C1orf116: variants seen among roughly 807,000 people sequenced by gnomAD.
C1orf116 encodes the protein specifically androgen-regulated gene protein.
A neutral mutation model predicts 14.1 loss-of-function variants in C1orf116; 12 were observed. The ratio of observed to expected loss-of-function variants is 0.85; its 90% confidence interval spans 0.54 to 1.38. The LOEUF (loss-of-function observed/expected upper bound fraction) is 1.38, where lower values mean the gene tolerates loss of function less well. C1orf116 is among the 40% of genes most tolerant of loss of function. C1orf116 has a pLI of 0.00. For synonymous variants in C1orf116, 296 were observed against 299.0 expected (o/e 0.99, Z 0.10); for missense variants, 797 against 747.0 (o/e 1.07, Z -0.78).
At position 207,022,254 on chromosome 1, in the gene C1orf116, T is replaced by G. The variant is rs903660398; in HGVS notation, c.1510A>C (p.Lys504Gln). The G allele has an allele frequency of 9.3e-6, 15 of 1,613,726 alleles. No individual in the cohort carries two copies. Among genetic ancestry groups the G allele is most frequent in the Non-Finnish European group, 2.5e-6 (3 of 1,179,906 alleles). The change falls in exon 4 of 4, where the codon AAA (lysine) becomes CAA (glutamine). Residue 504 changes from lysine to glutamine, a missense_variant. Transcript: ENST00000359470. ...YLSTEKDASP[K>Q]TSTSLGKGSF... ...CCCTTTCCCAGAGAAGTGCTGGTTT[T>G]GGGGCTGGCATCTTTCTCAGTTGAA... is the stretch of plus-strand genomic sequence containing the variant.
chr1:207,024,820 G>T (rs998791940), intron 3 of C1orf116, 67 bp downstream of exon 3: 14 of 1,561,780 alleles, frequency 9.0e-6, no homozygotes, highest in African/African-American at 2.7e-5. Context: ...GAGGTAGAAA[G>T]TGGCCGGAGG....
rs1355942855 is a variant in C1orf116 at position 207,031,254 on chromosome 1, T to G, written c.-82+1325A>C. Among the ~76,000 whole-genome samples the G allele has an allele frequency of 2.0e-5, 3 of 152,220 alleles. No homozygotes were observed. In the East Asian group the frequency reaches 5.8e-4, roughly 29 times the overall value. ...TGTCTCCATGAACACATGGGCAAGT[T>G]TCTGTGTGTGTTTAGGCAACATTAT... On this transcript the variant is annotated intron_variant, in intron 1 of 3. Coordinates refer to ENST00000359470, the MANE Select transcript of C1orf116 (RefSeq NM_023938.6).
In C1orf116 at chr1:207,020,209, GC is replaced by G. The variant is rs1158496559; in HGVS notation, c.*1748del. On this transcript the variant is annotated 3_prime_UTR_variant, in exon 4 of 4. Transcript: ENST00000359470. ...ACCCATGGCCAGGAATGAGGCACAG[GC>G]TTTTGGATGTGCGTGTATGAGCAAA... 1 of 152,156 alleles carries G rather than the reference GC, an allele frequency of 6.6e-6. No homozygotes were observed. 9.4% of individuals were successfully genotyped at this position (152,156 alleles called of 1,614,324 possible). A position where few individuals can be genotyped will look rare whatever the true frequency, so the allele number is the denominator to read the frequency against.
chr1:207,022,013 A>C lies in C1orf116; in HGVS notation c.1751T>G (p.Val584Gly). The C allele has an allele frequency of 6.4e-7, 1 of 1,563,450 alleles. No individual in the cohort carries two copies. Among genetic ancestry groups the C allele is most frequent in the Non-Finnish European group, 8.6e-7 (1 of 1,158,576 alleles). ...GGCCTCCCTTCTGTGTTCATTGGGG[A>C]CACCCTTTGGGGAGATCTTGACACT... is the stretch of plus-strand genomic sequence containing the variant. ...CVSVKISPKG[V>G]PNEHRREALK... The change falls in exon 4 of 4, where the codon GTC becomes GGC. Residue 584 changes from valine (V) to glycine (G), a missense_variant. Physicochemically the swap from Val to Gly is moderately radical, Grantham distance 109. Transcript: ENST00000359470.
chr1:207,027,447 G>A (rs374580955), intron 2 of C1orf116, 47 bp downstream of exon 2: 29 of 1,609,066 alleles, frequency 1.8e-5, no homozygotes, highest in Non-Finnish European at 2.4e-5. Context: ...GGGCAGGGCA[G>A]GTGTGCAGAG....
chr1:207,025,180 C>T, intron 2 of C1orf116, 116 bp from the exon 3 acceptor site: 1 of 747,624 alleles, frequency 1.3e-6, no homozygotes, highest in Non-Finnish European at 2.2e-6. Flanking sequence ...ACTGGCGGGG[C>T]CTGAGAACCA....
chr1:207,025,211 G>A (rs117246513), intron 2 of C1orf116, 147 bp from the exon 3 acceptor site: 9,817 of 633,372 alleles, frequency 0.015, 359 homozygotes, highest in Admixed American at 0.11. Flanking sequence ...AGGAAGGAAT[G>A]CTGAAGAGCT....
Position 207,021,603 on chromosome 1 carries a change from C to T in C1orf116, c.*355G>A, listed in dbSNP as rs1490806155. The T allele has an allele frequency of 1.1e-5, 2 of 175,310 alleles. No homozygotes were observed. The highest frequency in any genetic ancestry group is 2.4e-5 in the African/African-American group (1 of 42,368). The allele number at this position is 175,310 out of a possible 1,614,324, so 10.9% of individuals were successfully genotyped here. A position where few individuals can be genotyped will look rare whatever the true frequency, so the allele number is the denominator to read the frequency against. On this transcript the variant is annotated 3_prime_UTR_variant, in exon 4 of 4. Transcript: ENST00000359470. Reference sequence around the variant, plus strand: ...CTTTTTGTCTCAGGCATGGCCAGCCCCTTCACTCAGCTCTCACTAGGCTGG... The same window carrying T: ...CTTTTTGTCTCAGGCATGGCCAGCCTCTTCACTCAGCTCTCACTAGGCTGG...
Position 207,023,404 on chromosome 1 carries a change from A to T in C1orf116, c.360T>A (p.Pro120=), listed in dbSNP as rs757954124. 1 of 1,613,862 alleles carries T rather than the reference A, an allele frequency of 6.2e-7. No homozygotes were observed. Among genetic ancestry groups the T allele is most frequent in the Non-Finnish European group, 8.5e-7 (1 of 1,179,946 alleles). Reference sequence around the variant, plus strand: ...ACCTGAGGCCTAGGCCCTGGGGCTCAGGAGGGTGGGATGAGCTGGACTCAG... The same window carrying T: ...ACCTGAGGCCTAGGCCCTGGGGCTCTGGAGGGTGGGATGAGCTGGACTCAG... The part of the protein sequence containing the change: ...TVTESSSSHP[P]EPQGLGLRSG... Residue 120 remains proline (P), a synonymous_variant, in exon 4 of 4, where the codon CCT becomes CCA. Transcript: ENST00000359470.
chr1:207,024,793 T>TG (rs1682019668), intron 3 of C1orf116, 94 bp downstream of exon 3: 1 of 1,436,096 alleles, frequency 7.0e-7, no homozygotes, highest in South Asian at 1.3e-5. Context: ...CTGTGACCCT[T>TG]GGGGTAGAGG....
At position 207,022,180 on chromosome 1, in the gene C1orf116, G is replaced by C; in HGVS notation, c.1584C>G (p.Pro528=). The C allele has an allele frequency of 1.2e-6, 2 of 1,613,596 alleles. No individual in the cohort carries two copies. Among genetic ancestry groups the C allele is most frequent in the Non-Finnish European group, 1.7e-6 (2 of 1,179,618 alleles). ...ISPSVLRNSR[P]RPASLGTGKD... is the part of the protein sequence containing the mutation. The stretch of plus-strand genomic sequence containing the variant: ...TCCCCGTGCCCAGGGAGGCCGGGCG[G>C]GGCCGAGAATTACGTAAGACACTGG... Residue 528 remains proline (P), a synonymous_variant, in exon 4 of 4, where the codon CCC becomes CCG. Coordinates refer to ENST00000359470, the MANE Select transcript of C1orf116 (RefSeq NM_023938.6).
In C1orf116 at chr1:207,019,698, G is replaced by T. The variant is rs1342573824; in HGVS notation, c.*2260C>A. 1.3e-5 allele frequency: 2 copies of T among 152,220 alleles called. No homozygotes were observed. The highest frequency in any genetic ancestry group is 2.9e-5 in the Non-Finnish European group (2 of 68,038). 9.4% of individuals were successfully genotyped at this position (152,220 alleles called of 1,614,324 possible). On this transcript the variant is annotated 3_prime_UTR_variant, in exon 4 of 4. Coordinates refer to ENST00000359470, the MANE Select transcript of C1orf116 (RefSeq NM_023938.6). ...TAAGAGCAAAATATGCTCCTTGAAG[G>T]ATGAGGATGTGGAGAAGCACGGTAT...
chr1:207,027,405 G>T, intron 2 of C1orf116, 89 bp downstream of exon 2: 1 of 1,516,488 alleles, frequency 6.6e-7, no homozygotes, highest in Non-Finnish European at 9.0e-7. Context: ...CAGTGAGCCA[G>T]GATGGGTGGC....
chr1:207,027,378 C>A, intron 2 of C1orf116, 116 bp downstream of exon 2: 4 of 1,320,086 alleles, frequency 3.0e-6, no homozygotes, highest in Non-Finnish European at 4.2e-6. Context: ...CACTCCCCAA[C>A]AATGAAAGAG....
Position 207,018,591 on chromosome 1 carries a change from T to A in C1orf116, c.*3367A>T, listed in dbSNP as rs3020. The A allele has an allele frequency of 6.6e-6, 1 of 152,130 alleles. No individual in the cohort carries two copies. Among genetic ancestry groups the A allele is most frequent in the Non-Finnish European group, 1.5e-5 (1 of 68,030 alleles). The allele number at this position is 152,130 out of a possible 1,614,324, so 9.4% of individuals were successfully genotyped here. A position where few individuals can be genotyped will look rare whatever the true frequency, so the allele number is the denominator to read the frequency against. On this transcript the variant is annotated 3_prime_UTR_variant, in exon 4 of 4. Coordinates refer to ENST00000359470, the MANE Select transcript of C1orf116 (RefSeq NM_023938.6). ...AGCTTTACATGTTTTATATCACTTA[T>A]TTATCTCAACAATCTTGAAAGGGTG...
In C1orf116 at chr1:207,022,096, G is replaced by A; in HGVS notation, c.1668C>T (p.Ser556=). 2 of 1,612,658 alleles carry A rather than the reference G, an allele frequency of 1.2e-6. No individual in the cohort carries two copies. The highest frequency in any genetic ancestry group is 1.7e-6 in the Non-Finnish European group (2 of 1,179,114). The part of the protein sequence containing the change: ...KLADLEQEQS[S]KRLSYQGQSR... ...TCTGTCCTTGGTAGGACAGGCGCTT[G>A]GAGCTCTGCTCCTGCTCCAGGTCAG... The change falls in exon 4 of 4, where the codon TCC becomes TCT. Residue 556 remains serine (S), a synonymous_variant. Transcript: ENST00000359470.
rs948408561 is a variant in C1orf116, at chr1:207,032,722, C to T, written c.-225G>A. ...CCTGACTTACCTAGATAGGTAAATG[C>T]TTCATCTGTGCTGCCTGGCCCCCAC... On this transcript the variant is annotated 5_prime_UTR_variant, in exon 1 of 4. Transcript: ENST00000359470. 96 of 985,248 alleles carry T rather than the reference C, an allele frequency of 9.7e-5. 1 individual carries two copies. Among genetic ancestry groups the T allele is most frequent in the Admixed American group, 6.2e-5 (1 of 16,256 alleles). 61.0% of individuals were successfully genotyped at this position (985,248 alleles called of 1,614,324 possible).
In C1orf116 at chr1:207,022,016, C is replaced by T. The variant is rs1221195539; in HGVS notation, c.1748G>A (p.Gly583Asp). Reference protein sequence around the residue: ...PCVSVKISPKGVPNEHRREAL... With the variant: ...PCVSVKISPKDVPNEHRREAL... ...CTCCCTTCTGTGTTCATTGGGGACA[C>T]CCTTTGGGGAGATCTTGACACTGAC... is the stretch of plus-strand genomic sequence containing the variant. The change falls in exon 4 of 4, where the codon GGT (glycine) becomes GAT (aspartate). Residue 583 changes from glycine to aspartate, a missense_variant. By Grantham distance (94) the Gly-to-Asp change is moderately conservative (BLOSUM62 -1). Transcript: ENST00000359470. 6.3e-7 allele frequency: 1 copy of T among 1,576,866 alleles called. No homozygotes were observed. The highest frequency in any genetic ancestry group is 1.8e-5 in the Admixed American group (1 of 55,030).
chr1:207,031,241 C>T (rs148762553), intron 1 of C1orf116, among the ~76,000 whole-genome samples: 1 of 152,344 alleles, frequency 6.6e-6, no homozygotes, highest in East Asian at 1.9e-4. Flanking sequence ...TCTCCATGAA[C>T]ACATGGGCAA....
Sources: gnomAD v4.1 joint callset for allele counts (sites outside exome capture counted in the v4.1 genomes callset) on GRCh38, gnomAD v4.1.1 for gene constraint, MANE v1.5 for transcripts, NCBI Gene and HGNC (gene_info 2026-07-23, HGNC 2026-07-21) for gene names.